Variants in NFIA observed in about 807,000 individuals in gnomAD.
The protein encoded by NFIA is nuclear factor 1 A-type.
A neutral mutation model predicts 62.8 loss-of-function variants in NFIA; 8 were observed. The observed-to-expected ratio is 0.13, with a 90% CI of 0.07 to 0.23. The LOEUF (loss-of-function observed/expected upper bound fraction) is 0.23. NFIA is among the 10% of genes least tolerant of loss of function. The pLI is 1.00. For synonymous variants in NFIA, 235 were observed against 238.1 expected (o/e 0.99, Z 0.12); for missense variants, 410 against 642.1 (o/e 0.64, Z 3.91).
intron 2 of NFIA, among the ~76,000 whole-genome samples, chr1:61,241,487 T>C (rs1361540267): frequency 6.6e-6 from 1 of 152,178 alleles, no homozygotes; most frequent in African/African-American, 2.4e-5. Context: ...TATTTTTAAC[T>C]AGCGTTCTAT....
upstream of NFIA, chr1:61,082,142 G>A (rs1399075941): frequency 1.9e-6 from 2 of 1,031,476 alleles, no homozygotes; most frequent in African/African-American, 1.6e-5. Context: ...ATAGCTGCCC[G>A]GGAGTACAGA....
At chr1:61,344,268 T>A (rs1662091915) in intron 4 of NFIA, among the ~76,000 whole-genome samples, 1 of 152,198 alleles carries the variant, frequency 6.6e-6, no homozygotes, top group African/African-American at 2.4e-5. Context: ...TATTTTCCCA[T>A]GTTCAGTCCC....
At chr1:61,402,027 A>ATTTTT (rs1434694783) in intron 7 of NFIA, among the ~76,000 whole-genome samples, 3 of 91,398 alleles carry the variant, frequency 3.3e-5, no homozygotes, top group African/African-American at 4.4e-5. Flanking sequence ...AGTTTTACTC[A>ATTTTT]TTTTTCTTTT....
chr1:61,153,034 T>C (rs1425902006), intron 2 of NFIA, among the ~76,000 whole-genome samples: 1 of 152,226 alleles, frequency 6.6e-6, no homozygotes, highest in East Asian at 1.9e-4. Context: ...TCATTAAAGG[T>C]GAGGAGTGAA....
At chr1:61,089,168 AG>A (rs1646272736) in intron 2 of NFIA, among the ~76,000 whole-genome samples, 1 of 152,206 alleles carries the variant, frequency 6.6e-6, no homozygotes, top group African/African-American at 2.4e-5. Context: ...TCATTTAGGA[AG>A]GAAAAATAAT....
intron 2 of NFIA, among the ~76,000 whole-genome samples, chr1:61,266,003 A>G (rs545119767): frequency 2.6e-5 from 4 of 152,346 alleles, no homozygotes; most frequent in African/African-American, 9.6e-5. Context: ...CCTTTTGATG[A>G]AATGAGAGTC....
chr1:61,266,626 C>T (rs763684278), intron 2 of NFIA, among the ~76,000 whole-genome samples: 3 of 152,152 alleles, frequency 2.0e-5, no homozygotes, highest in Non-Finnish European at 2.9e-5. Flanking sequence ...TCAAACTCTC[C>T]TGACCTCAGG....
At chr1:61,374,574 A>G (rs1383090691) in intron 6 of NFIA, among the ~76,000 whole-genome samples, 2 of 152,180 alleles carry the variant, frequency 1.3e-5, no homozygotes. Flanking sequence ...ATTTTCACTC[A>G]CAAATGAACA....
intron 2 of NFIA, among the ~76,000 whole-genome samples, chr1:61,160,720 C>T (rs1649137548): frequency 6.6e-6 from 1 of 152,224 alleles, no homozygotes; most frequent in African/African-American, 2.4e-5. Flanking sequence ...CTGACTAATG[C>T]AGATGACTGT....
chr1:61,107,965 G>A (rs1646632439), intron 2 of NFIA, among the ~76,000 whole-genome samples: 1 of 151,416 alleles, frequency 6.6e-6, no homozygotes, highest in Non-Finnish European at 1.5e-5. Context: ...TTTTATATTT[G>A]TGTATGTCTG....
At chr1:61,129,550 A>G (rs1647037756) in intron 2 of NFIA, among the ~76,000 whole-genome samples, 1 of 149,792 alleles carries the variant, frequency 6.7e-6, no homozygotes. Context: ...CCCAGATTCA[A>G]GCGATTCTCA....
rs59486053 is a variant in NFIA, at chr1:61,286,427, C to CAAA, written c.625+8857_625+8859dup. Among the ~76,000 whole-genome samples the CAAA allele has an allele frequency of 2.7e-4, 29 of 108,740 alleles. 1 individual carries two copies. Among genetic ancestry groups the CAAA allele is most frequent in the African/African-American group, 7.6e-4 (23 of 30,436 alleles). 71.3% of individuals were successfully genotyped at this position (108,740 alleles called of 152,430 possible). A position where few individuals can be genotyped will look rare whatever the true frequency, so the allele number is the denominator to read the frequency against. On this transcript the variant is annotated intron_variant, in intron 3 of 10. Transcript: ENST00000403491. ...TGGGTGACCGAGCGAGACTCTGTCT[C>CAAA]AAAAAAAAAAAAAAAAATAGAATTG...
chr1:61,236,739 G>T (rs574521017), intron 2 of NFIA, among the ~76,000 whole-genome samples: 7 of 151,790 alleles, frequency 4.6e-5, no homozygotes, highest in African/African-American at 1.7e-4. Flanking sequence ...TGGTATTAAC[G>T]TGTGAAGGAC....
chr1:61,295,195 C>T (rs775019166), intron 3 of NFIA, among the ~76,000 whole-genome samples: 23 of 152,116 alleles, frequency 1.5e-4, no homozygotes, highest in African/African-American at 3.6e-4. Context: ...AAATTGTATA[C>T]GAGGCAGAGG....
chr1:61,149,735 T>C (rs1378833914), intron 2 of NFIA, among the ~76,000 whole-genome samples: 1 of 152,230 alleles, frequency 6.6e-6, no homozygotes, highest in Non-Finnish European at 1.5e-5. Flanking sequence ...TGTCTCTGTT[T>C]TTTCATTTGT....
intron 7 of NFIA, among the ~76,000 whole-genome samples, chr1:61,403,417 A>G (rs1228605740): frequency 1.3e-5 from 2 of 152,202 alleles, no homozygotes; most frequent in Non-Finnish European, 2.9e-5. Context: ...TGAGTCTTTT[A>G]TCAGTTTTTA....
At chr1:61,411,912 G>T (rs1666123284) in intron 9 of NFIA, among the ~76,000 whole-genome samples, 1 of 151,758 alleles carries the variant, frequency 6.6e-6, no homozygotes, top group Non-Finnish European at 1.5e-5. Context: ...AAAGCAAGGG[G>T]GTGAGGTCAG....
chr1:61,393,100 G>C (rs1665066573), intron 7 of NFIA, among the ~76,000 whole-genome samples: 1 of 151,450 alleles, frequency 6.6e-6, no homozygotes, highest in Non-Finnish European at 1.5e-5. Flanking sequence ...GATAAGCCCC[G>C]TTCTTTCTGG....
intron 6 of NFIA, among the ~76,000 whole-genome samples, chr1:61,372,030 C>T (rs1032170801): frequency 1.3e-5 from 2 of 151,872 alleles, no homozygotes; most frequent in Admixed American, 6.6e-5. Flanking sequence ...TCCTTGTGTT[C>T]GGTTCCAAAA....
Sources: allele counts gnomAD v4.1 joint callset (sites outside exome capture counted in the v4.1 genomes callset), GRCh38; gene constraint gnomAD v4.1.1; transcripts MANE v1.5; gene names NCBI Gene and HGNC (gene_info 2026-07-23, HGNC 2026-07-21).